Variants in WDR27 observed in about 807,000 individuals in gnomAD.
WDR27 encodes WD repeat-containing protein 27.
A neutral mutation model predicts 114.4 loss-of-function variants in WDR27; 100 were observed. The observed-to-expected ratio is 0.87, with a 90% confidence interval of 0.74 to 1.03. The LOEUF (loss-of-function observed/expected upper bound fraction) is 1.03. Ranked by LOEUF, WDR27 falls within the 50% of genes least tolerant of loss-of-function variation. The pLI is 0.00. For synonymous variants in WDR27, 449 were observed against 423.1 expected (o/e 1.06, Z -0.75); for missense variants, 1,129 against 1,092.9 (o/e 1.03, Z -0.47).
At chr6:169,665,662 G>T in intron 6 of WDR27, 106 bp from the exon 7 acceptor site, 2 of 1,065,540 alleles carry the variant, frequency 1.9e-6, no homozygotes, top group Non-Finnish European at 2.7e-6. Context: ...TTTACTTACA[G>T]TATTTCTGTT....
chr6:169,568,462 C>G (rs1800855316), intron 25 of WDR27, among the ~76,000 whole-genome samples: 1 of 152,114 alleles, frequency 6.6e-6, no homozygotes, highest in Non-Finnish European at 1.5e-5. Context: ...CACAAGCTCA[C>G]TCTTCAAGTC....
At chr6:169,456,990 G>A (rs531723986), downstream of WDR27, among the ~76,000 whole-genome samples, 7 of 149,670 alleles carry the variant, frequency 4.7e-5, no homozygotes, top group East Asian at 8.0e-4. The surrounding 1 kb of genome is among the most constrained non-coding windows in gnomAD (Gnocchi z 4.0). Context: ...TGCTCGGCAC[G>A]TGGAACCCAT....
At chr6:169,538,591 A>T (rs758969637) in intron 25 of WDR27, among the ~76,000 whole-genome samples, 47 of 151,468 alleles carry the variant, frequency 3.1e-4, no homozygotes, top group Non-Finnish European at 4.4e-4. Flanking sequence ...CCTTTTTTTC[A>T]TTCCAGGAAA....
At chr6:169,658,464 C>T in intron 12 of WDR27, 106 bp from the exon 13 acceptor site, 2 of 795,880 alleles carry the variant, frequency 2.5e-6, no homozygotes, top group Non-Finnish European at 4.3e-6. Flanking sequence ...CTGATTCCTG[C>T]AGCTGTGGAC....
At chr6:169,437,870 C>T in the WDR27 span, among the ~76,000 whole-genome samples, 1 of 152,060 alleles carries the variant, frequency 6.6e-6, no homozygotes, top group Non-Finnish European at 1.5e-5. Flanking sequence ...TCTCTGGTAA[C>T]ATGAGACTGT....
chr6:169,469,960 A>C (rs1786132537), intron 25 of WDR27, among the ~76,000 whole-genome samples: 1 of 152,164 alleles, frequency 6.6e-6, no homozygotes, highest in Admixed American at 6.5e-5. Context: ...TAGGCTAATA[A>C]TTTTCCAAAT....
At chr6:169,577,120 G>A (rs1484851760) in intron 24 of WDR27, among the ~76,000 whole-genome samples, 2 of 151,794 alleles carry the variant, frequency 1.3e-5, no homozygotes, top group Non-Finnish European at 2.9e-5. Flanking sequence ...GCCACAAGAG[G>A]GACGCCAGCG....
the WDR27 span, among the ~76,000 whole-genome samples, chr6:169,432,326 G>T: frequency 6.6e-6 from 1 of 152,130 alleles, no homozygotes; most frequent in Non-Finnish European, 1.5e-5. Context: ...ACTATGCTTT[G>T]TCCAATCCAG....
chr6:169,672,317 GAGC>G lies in WDR27; in HGVS notation c.266_268del (p.Cys89del). The G allele has an allele frequency of 6.2e-7, 1 of 1,613,644 alleles. No individual in the cohort carries two copies. On this transcript the variant is annotated inframe_deletion, in exon 3 of 26. Transcript: ENST00000448612. ...CATTATAACATAATCCAGTGATGCT[GAGC>G]AGATTAGAAGTGGGTTCACTTTATT...
rs1801972498 is a variant in WDR27 at position 169,574,735 on chromosome 6, G to C, written c.2524-2195C>G. Among the ~76,000 whole-genome samples the C allele has an allele frequency of 2.0e-5, 3 of 152,314 alleles. No individual in the cohort carries two copies. The South Asian group carries it at 6.2e-4, about 32-fold the overall frequency. On this transcript the variant is annotated intron_variant, in intron 24 of 25. Transcript: ENST00000448612. ...GTCCCCAACCCTTTCTCACAGCCCAGTGCTCTCACCCTCAGTCCCGACACC... is the reference window on the plus strand; with the variant it reads ...GTCCCCAACCCTTTCTCACAGCCCACTGCTCTCACCCTCAGTCCCGACACC...
chr6:169,533,823 CTGTGTGTGTGTG>C (rs71008099), intron 25 of WDR27, among the ~76,000 whole-genome samples: 1 of 149,812 alleles, frequency 6.7e-6, no homozygotes, highest in South Asian at 2.1e-4. Context: ...GAAGGTAAGC[CTGTGTGTGTGTG>C]TGTGTGTGTG....
chr6:169,430,137 A>G, the WDR27 span, among the ~76,000 whole-genome samples: 3 of 152,210 alleles, frequency 2.0e-5, no homozygotes, highest in African/African-American at 4.8e-5. Context: ...GCACACGTCA[A>G]ACCCACCATA....
intron 20 of WDR27, 77 bp downstream of exon 20, chr6:169,634,351 G>C (rs981806080): frequency 6.7e-5 from 72 of 1,074,606 alleles, no homozygotes; most frequent in Non-Finnish European, 9.6e-5. Context: ...ACACTCACGA[G>C]ATGCTCAGCA....
chr6:169,583,744 C>T (rs1032093034), intron 23 of WDR27, among the ~76,000 whole-genome samples: 2 of 151,634 alleles, frequency 1.3e-5, no homozygotes, highest in South Asian at 4.2e-4. Context: ...AAGACAATTC[C>T]TTTTTCCCGC....
At chr6:169,488,936 T>G (rs1789334760) in intron 25 of WDR27, among the ~76,000 whole-genome samples, 2 of 144,518 alleles carry the variant, frequency 1.4e-5, no homozygotes, top group South Asian at 4.4e-4. Context: ...AATGGCACAT[T>G]TGATGCCCCC....
intron 25 of WDR27, among the ~76,000 whole-genome samples, chr6:169,520,478 C>T (rs1230630310): frequency 6.6e-6 from 1 of 151,742 alleles, no homozygotes; most frequent in East Asian, 1.9e-4. Context: ...TACTTCAATA[C>T]AAAGACACAG....
At chr6:169,457,825 C>A (rs1020352811) in intron 25 of WDR27, among the ~76,000 whole-genome samples, 191 bp from the exon 26 acceptor site, 1 of 152,140 alleles carries the variant, frequency 6.6e-6, no homozygotes, top group East Asian at 1.9e-4. Context: ...ATTCAAACTA[C>A]ATTTCACTGC....
chr6:169,649,975 G>T (rs1821864388), intron 14 of WDR27, among the ~76,000 whole-genome samples: 2 of 95,922 alleles, frequency 2.1e-5, no homozygotes, highest in African/African-American at 4.3e-5. Context: ...ATGCACCCAT[G>T]CATTCATCTC....
intron 21 of WDR27, among the ~76,000 whole-genome samples, chr6:169,617,398 C>T (rs1812115868): frequency 1.3e-5 from 2 of 151,976 alleles, no homozygotes; most frequent in Admixed American, 6.6e-5. Flanking sequence ...TTTTTGAGAC[C>T]GAGTTTCACT....
Sources: gnomAD v4.1 joint callset for allele counts (sites outside exome capture counted in the v4.1 genomes callset) on GRCh38, gnomAD v4.1.1 for gene constraint, Gnocchi (gnomAD v3.1) non-coding constraint, MANE v1.5 for transcripts, NCBI Gene and HGNC (gene_info 2026-07-23, HGNC 2026-07-21) for gene names.